The following RBM46 variants were observed in gnomAD, a reference collection of about 807,000 sequenced individuals.
The protein encoded by RBM46 is RNA binding motif protein 46.
In RBM46, 12 loss-of-function variants were observed where a neutral mutation model predicts 43.3. That is an observed-to-expected ratio of 0.28 (90% CI 0.18 to 0.45). The LOEUF (loss-of-function observed/expected upper bound fraction) is 0.45. Ranked by LOEUF, RBM46 falls within the 20% of genes least tolerant of loss-of-function variation. The probability of loss-of-function intolerance (pLI) is 1.00; values close to 1 mark genes in which losing one functional copy is unlikely to be tolerated. For missense variants in RBM46, 412 were observed against 639.1 expected (o/e 0.64, Z 3.83); for synonymous variants, 205 against 207.6 (o/e 0.99, Z 0.11).
At chr4:154,805,404 T>C (rs1023042077) in intron 4 of RBM46, among the ~76,000 whole-genome samples, 5 of 152,164 alleles carry the variant, frequency 3.3e-5, no homozygotes. Context: ...TGTAATGGAC[T>C]TGTATATTGC....
At chr4:154,782,566 T>C (rs1411845063) in intron 1 of RBM46, among the ~76,000 whole-genome samples, 1 of 152,134 alleles carries the variant, frequency 6.6e-6, no homozygotes, top group Admixed American at 6.5e-5. Context: ...TGACTGCAAC[T>C]TCCGCCTACC....
At chr4:154,801,810 A>G (rs1379526639) in intron 4 of RBM46, among the ~76,000 whole-genome samples, 2 of 152,212 alleles carry the variant, frequency 1.3e-5, no homozygotes, top group Non-Finnish European at 2.9e-5. Flanking sequence ...AGTTAACTAT[A>G]TAGCATAGTT....
chr4:154,805,989 C>T (rs1179870521), intron 4 of RBM46, among the ~76,000 whole-genome samples: 1 of 151,858 alleles, frequency 6.6e-6, no homozygotes, highest in African/African-American at 2.4e-5. Context: ...AATTTACCTA[C>T]TTAAATGAGA....
At chr4:154,812,201 T>C (rs191104731) in intron 4 of RBM46, among the ~76,000 whole-genome samples, 1 of 152,206 alleles carries the variant, frequency 6.6e-6, no homozygotes, top group Admixed American at 6.5e-5. Context: ...TGAAATATTA[T>C]TGGCAAATTA....
rs1009950949 is a variant in RBM46 at position 154,828,561 on chromosome 4, T to C, written c.*494T>C. 6.5e-6 allele frequency: 1 copy of C among 153,536 alleles called. No individual in the cohort carries two copies. Among genetic ancestry groups the C allele is most frequent in the East Asian group, 1.9e-4 (1 of 5,214 alleles). The allele number at this position is 153,536 out of a possible 1,614,324, so 9.5% of individuals were successfully genotyped here. The stretch of plus-strand genomic sequence containing the variant: ...TGAGACAAAAAGATTAAGATACAAA[T>C]TTTGTGCAGTACTAAAGAAAAAGCA... On this transcript the variant is annotated 3_prime_UTR_variant, in exon 5 of 5. Coordinates refer to ENST00000281722, the MANE Select transcript of RBM46 (RefSeq NM_144979.5).
intron 1 of RBM46, among the ~76,000 whole-genome samples, chr4:154,786,637 A>AC (rs75026259): frequency 0.47 from 70,933 of 151,614 alleles, 17,207 homozygotes; most frequent in Admixed American, 0.6. Context: ...GTTAAAAAAA[A>AC]AAAACAGTAG....
intron 1 of RBM46, among the ~76,000 whole-genome samples, chr4:154,782,440 A>G (rs991433715): frequency 6.6e-6 from 1 of 152,210 alleles, no homozygotes; most frequent in East Asian, 1.9e-4. Flanking sequence ...ATCCTAATAT[A>G]GGCAAATATC....
chr4:154,793,265 TGAA>T (rs1734190695), intron 1 of RBM46, among the ~76,000 whole-genome samples: 1 of 152,236 alleles, frequency 6.6e-6, no homozygotes, highest in South Asian at 2.1e-4. Flanking sequence ...AGTCCTCTAC[TGAA>T]GAGGAGCTAG....
At chr4:154,794,177 C>CTTTT (rs58437982) in intron 1 of RBM46, among the ~76,000 whole-genome samples, 93 of 115,730 alleles carry the variant, frequency 8.0e-4, no homozygotes, top group African/African-American at 2.9e-3. Flanking sequence ...GTAGTAATCA[C>CTTTT]TTTTTTTTTT....
intron 1 of RBM46, among the ~76,000 whole-genome samples, chr4:154,795,018 T>C (rs1734282302): frequency 6.6e-6 from 1 of 152,204 alleles, no homozygotes; most frequent in Admixed American, 6.5e-5. Flanking sequence ...TAGTTGGTCC[T>C]TAATAAATCT....
intron 4 of RBM46, among the ~76,000 whole-genome samples, chr4:154,807,774 A>G (rs968532791): frequency 6.6e-6 from 1 of 151,918 alleles, no homozygotes; most frequent in African/African-American, 2.4e-5. Flanking sequence ...TAGAAACTTT[A>G]AATCACCAGA....
chr4:154,822,029 A>C (rs1367042889), intron 4 of RBM46, among the ~76,000 whole-genome samples: 1 of 151,816 alleles, frequency 6.6e-6, no homozygotes, highest in Non-Finnish European at 1.5e-5. Context: ...GTAGTTTGGG[A>C]AATACTGAAG....
chr4:154,798,703 G>A (rs1425799782), intron 3 of RBM46, 79 bp from the exon 4 acceptor site: 11 of 1,134,402 alleles, frequency 9.7e-6, no homozygotes, highest in Non-Finnish European at 1.2e-5. Flanking sequence ...CTGCTTCTCT[G>A]GGGAAACAGT....
intron 4 of RBM46, among the ~76,000 whole-genome samples, chr4:154,814,639 A>G (rs1735337178): frequency 6.6e-6 from 1 of 152,050 alleles, no homozygotes; most frequent in Non-Finnish European, 1.5e-5. Flanking sequence ...AGTGAAGGCC[A>G]TTATGAAGAC....
chr4:154,827,363 T>C, intron 4 of RBM46: 1 of 981,646 alleles, frequency 1.0e-6, no homozygotes, highest in Non-Finnish European at 1.2e-6. Context: ...AGTGTTTATA[T>C]TAGTATTTAA....
At chr4:154,782,461 TATC>T (rs1377130298) in intron 1 of RBM46, among the ~76,000 whole-genome samples, 29 of 152,128 alleles carry the variant, frequency 1.9e-4, no homozygotes, top group Non-Finnish European at 1.5e-5. Context: ...AAAGAGGAAA[TATC>T]ATAAGGAGTT....
intron 1 of RBM46, among the ~76,000 whole-genome samples, chr4:154,789,054 A>C (rs1733939647): frequency 6.6e-6 from 1 of 152,210 alleles, no homozygotes; most frequent in African/African-American, 2.4e-5. Flanking sequence ...GAAGTTGCGT[A>C]TCAGCTTAAG....
chr4:154,804,613 T>C (rs1003062799), intron 4 of RBM46, among the ~76,000 whole-genome samples: 8 of 152,178 alleles, frequency 5.3e-5, no homozygotes, highest in Admixed American at 5.2e-4. Flanking sequence ...CACCTTGTTG[T>C]ATAATTTATT....
chr4:154,783,497 C>A (rs1733607133), intron 1 of RBM46, among the ~76,000 whole-genome samples: 1 of 152,172 alleles, frequency 6.6e-6, no homozygotes, highest in South Asian at 2.1e-4. Context: ...AATGTTATTT[C>A]TCATTTTACT....
Sources: allele counts gnomAD v4.1 joint callset (sites outside exome capture counted in the v4.1 genomes callset), GRCh38; gene constraint gnomAD v4.1.1; transcripts MANE v1.5; gene names NCBI Gene and HGNC (gene_info 2026-07-23, HGNC 2026-07-21).